RFFL: variants seen among roughly 807,000 people sequenced by gnomAD.
The protein encoded by RFFL is E3 ubiquitin-protein ligase rififylin.
Under a neutral mutation model 40.4 loss-of-function variants are expected in RFFL, and 16 were observed. The ratio of observed to expected loss-of-function variants is 0.40; its 90% CI spans 0.27 to 0.60. The LOEUF (loss-of-function observed/expected upper bound fraction) is 0.60. Among genes scored for constraint, RFFL ranks in the 20% least tolerant of loss-of-function variants. The pLI is 0.47. For missense variants in RFFL, 367 were observed against 451.7 expected (o/e 0.81, Z 1.70); for synonymous variants, 154 against 167.9 (o/e 0.92, Z 0.64).
chr17:35,076,876 AGACAAACTACCACTG>A, intron 1 of RFFL: 1 of 247,072 alleles, frequency 4.0e-6, no homozygotes, highest in South Asian at 5.4e-5. Flanking sequence ...CAAGGCTAAA[AGACAAACTACCACTG>A]GAACTGGTCA....
intron 2 of RFFL, among the ~76,000 whole-genome samples, chr17:35,022,517 C>T (rs543925525): frequency 1.3e-5 from 2 of 152,140 alleles, no homozygotes; most frequent in Non-Finnish European, 2.9e-5. Flanking sequence ...ACAAAGCAAC[C>T]GAGGCTTAGG....
At chr17:35,039,648 C>A (rs2091149842) in intron 1 of RFFL, among the ~76,000 whole-genome samples, 1 of 151,984 alleles carries the variant, frequency 6.6e-6, no homozygotes, top group Admixed American at 6.6e-5. Flanking sequence ...TCTGTGATCT[C>A]CTCTAAATCA....
chr17:35,046,252 G>A (rs1475597032), intron 1 of RFFL, among the ~76,000 whole-genome samples: 4 of 152,070 alleles, frequency 2.6e-5, no homozygotes, highest in South Asian at 2.1e-4. Context: ...GGAACAAGAC[G>A]GTCACTTCCA....
intron 1 of RFFL, among the ~76,000 whole-genome samples, chr17:35,034,092 G>A (rs140707949): frequency 0.027 from 4,075 of 150,490 alleles, 86 homozygotes; most frequent in Middle Eastern, 0.072. Flanking sequence ...GCAGTGAGCC[G>A]AGATCGCACC....
intron 3 of RFFL, 91 bp downstream of exon 3, chr17:35,021,280 T>C (rs1461463838): frequency 1.2e-5 from 15 of 1,291,100 alleles, no homozygotes; most frequent in African/African-American, 3.0e-5. Context: ...CTTAGCCTTA[T>C]ACCCCATTCT....
chr17:35,043,878 ACC>A (rs1380421427), intron 1 of RFFL, among the ~76,000 whole-genome samples: 2 of 152,104 alleles, frequency 1.3e-5, no homozygotes, highest in African/African-American at 4.8e-5. Flanking sequence ...ACATAGAAAA[ACC>A]ATTCCTGGGA....
At chr17:35,040,861 T>G (rs1266805661) in intron 1 of RFFL, among the ~76,000 whole-genome samples, 132 of 42,142 alleles carry the variant, frequency 3.1e-3, no homozygotes, top group African/African-American at 8.6e-3. Context: ...TTTTTTTTTT[T>G]TTTGGTGTGT....
rs1419952606 is a variant in RFFL at position 35,009,524 on chromosome 17, A to C, written c.*2444T>G. On this transcript the variant is annotated 3_prime_UTR_variant, in exon 7 of 7. Coordinates refer to ENST00000394597, the MANE Select transcript of RFFL (RefSeq NM_001017368.2). Reference sequence around the variant, plus strand: ...AAAAATCAAATTTTAGACCTTGGTTAAATATTAACTGGAATGGGATCTTGG... The same window carrying C: ...AAAAATCAAATTTTAGACCTTGGTTCAATATTAACTGGAATGGGATCTTGG... 1 of 152,174 alleles carries C rather than the reference A, an allele frequency of 6.6e-6. No individual in the cohort carries two copies. The highest frequency in any genetic ancestry group is 1.9e-4 in the East Asian group (1 of 5,198). 9.4% of individuals were successfully genotyped at this position (152,174 alleles called of 1,614,324 possible).
intron 1 of RFFL, among the ~76,000 whole-genome samples, chr17:35,030,454 A>AT (rs930810843): frequency 3.3e-5 from 5 of 151,744 alleles, no homozygotes; most frequent in Non-Finnish European, 5.9e-5. Context: ...GATGGTGAGC[A>AT]TTTTTTTGTG....
At chr17:35,074,541 C>T (rs1268592628) in intron 1 of RFFL, among the ~76,000 whole-genome samples, 2 of 152,134 alleles carry the variant, frequency 1.3e-5, no homozygotes, top group Non-Finnish European at 2.9e-5. Flanking sequence ...TCAACCTTGA[C>T]AGCTGGAATA....
upstream of RFFL, among the ~76,000 whole-genome samples, chr17:35,068,309 C>T (rs1034594438): frequency 6.6e-6 from 1 of 152,228 alleles, no homozygotes; most frequent in Non-Finnish European, 1.5e-5. Context: ...CCAGTGCAGG[C>T]TTACAGTAAC....
chr17:35,016,620 C>T, intron 4 of RFFL, 40 bp from the exon 5 acceptor site: 1 of 1,531,756 alleles, frequency 6.5e-7, no homozygotes, highest in Non-Finnish European at 9.0e-7. Flanking sequence ...TCAGCTCTTA[C>T]CTCCCCAAGC....
At chr17:35,071,091 G>C (rs1409549346) in intron 1 of RFFL, among the ~76,000 whole-genome samples, 1 of 151,528 alleles carries the variant, frequency 6.6e-6, no homozygotes, top group Non-Finnish European at 1.5e-5. Context: ...CCAGCTACTT[G>C]AGAGGGTGAG....
Position 35,011,930 on chromosome 17 carries a change from A to G in RFFL, c.*38T>C, listed in dbSNP as rs550493727. On this transcript the variant is annotated 3_prime_UTR_variant, in exon 7 of 7. Coordinates refer to ENST00000394597, the MANE Select transcript of RFFL (RefSeq NM_001017368.2). ...ACCCTGAGCCCAGACACCCCAGGCT[A>G]TTTCCCTGTAAGGCACTGAAGAAAC... is the stretch of plus-strand genomic sequence containing the variant. 50 of 1,601,668 alleles carry G rather than the reference A, an allele frequency of 3.1e-5. No individual in the cohort carries two copies. The highest frequency in any genetic ancestry group is 4.0e-5 in the Non-Finnish European group (47 of 1,172,180).
chr17:35,038,854 A>G (rs1212048328), intron 1 of RFFL, among the ~76,000 whole-genome samples: 1 of 152,232 alleles, frequency 6.6e-6, no homozygotes, highest in African/African-American at 2.4e-5. Flanking sequence ...ATCGAACTGT[A>G]CACTTATAAT....
intron 1 of RFFL, among the ~76,000 whole-genome samples, chr17:35,072,781 C>T (rs1220476262): frequency 2.0e-5 from 3 of 151,900 alleles, no homozygotes; most frequent in Admixed American, 6.6e-5. Context: ...TGGTGGCTCA[C>T]GCCTGTAATC....
intron 1 of RFFL, among the ~76,000 whole-genome samples, chr17:35,070,614 T>A (rs1467916481): frequency 2.0e-5 from 3 of 152,136 alleles, no homozygotes; most frequent in Admixed American, 2.0e-4. Context: ...AACAAGAAAT[T>A]CACAGTTTTG....
chr17:35,027,825 G>A (rs2091053396), intron 1 of RFFL, among the ~76,000 whole-genome samples: 1 of 151,970 alleles, frequency 6.6e-6, no homozygotes, highest in Admixed American at 6.6e-5. Context: ...CTGAGGTCAG[G>A]AGTTCGACAG....
intron 2 of RFFL, among the ~76,000 whole-genome samples, chr17:35,024,128 G>A (rs1452024759): frequency 2.0e-5 from 3 of 152,172 alleles, no homozygotes; most frequent in Non-Finnish European, 4.4e-5. Flanking sequence ...CAGCATCACA[G>A]AACTGGCCGT....
Sources: gnomAD v4.1 joint callset for allele counts (sites outside exome capture counted in the v4.1 genomes callset) on GRCh38, gnomAD v4.1.1 for gene constraint, MANE v1.5 for transcripts, NCBI Gene and HGNC (gene_info 2026-07-23, HGNC 2026-07-21) for gene names.